The following DST variants were observed in gnomAD, a reference collection of about 807,000 sequenced individuals.
The protein encoded by DST is bullous pemphigoid antigen.
DST carries 253 observed loss-of-function variants against 875.2 expected under a neutral mutation model. That is an observed-to-expected ratio of 0.29 (90% CI 0.26 to 0.32). DST has a LOEUF of 0.32. Among genes scored for constraint, DST ranks in the 10% least tolerant of loss-of-function variants. DST has a pLI of 1.00. For missense variants in DST, 8,287 were observed against 9,111.6 expected, an observed-to-expected ratio of 0.91 and a Z score of 3.68; for synonymous variants, 3,124 against 3,197.1, an observed-to-expected ratio of 0.98 and a Z score of 0.77.
rs766284295 is a variant in DST, at chr6:56,606,999, C to T, written c.7629G>A (p.Gln2543=). 1 of 1,613,488 alleles carries T rather than the reference C, an allele frequency of 6.2e-7. No individual in the cohort carries two copies. Among genetic ancestry groups the T allele is most frequent in the Non-Finnish European group, 8.5e-7 (1 of 1,179,602 alleles). ...ACTCATCTTCCTTGTCTTCAGGCAT[C>T]TGCTGAAAACCTGGATGTGTTTTTT... ...EDEKTHPGFQ[Q]MPEDKEDESE... Residue 2543 remains glutamine (Q), a synonymous_variant, in exon 40 of 104, where the codon CAG becomes CAA. Coordinates refer to ENST00000680361, the MANE Select transcript of DST (RefSeq NM_001374736.1).
chr6:56,687,632 C>G (rs1369191311), intron 9 of DST, among the ~76,000 whole-genome samples: 7 of 152,104 alleles, frequency 4.6e-5, no homozygotes, highest in Admixed American at 4.6e-4. Context: ...ACACTACAGT[C>G]AAGCAAAAGC....
chr6:56,637,558 T>C (rs2098837943), intron 22 of DST, among the ~76,000 whole-genome samples: 2 of 152,270 alleles, frequency 1.3e-5, no homozygotes, highest in Admixed American at 1.3e-4. Context: ...AGAAAATGTG[T>C]GTACTCCCAA....
At chr6:56,671,615 G>A (rs1329886492) in intron 9 of DST, among the ~76,000 whole-genome samples, 1 of 152,072 alleles carries the variant, frequency 6.6e-6, no homozygotes, top group African/African-American at 2.4e-5. Flanking sequence ...TTTGATAAGG[G>A]TCCTACTTAA....
At chr6:56,521,208 A>G (rs1225804822) in intron 69 of DST, among the ~76,000 whole-genome samples, 1 of 152,098 alleles carries the variant, frequency 6.6e-6, no homozygotes, top group African/African-American at 2.4e-5. Context: ...GTAAAGCTAC[A>G]GGTAAAAATT....
At chr6:56,709,981 G>A (rs542210717) in intron 5 of DST, among the ~76,000 whole-genome samples, 6 of 152,284 alleles carry the variant, frequency 3.9e-5, no homozygotes, top group African/African-American at 7.2e-5. Flanking sequence ...AGGCTGGAAC[G>A]ATGCGCCGGT....
chr6:56,483,165 C>G (rs1290952954), intron 88 of DST, among the ~76,000 whole-genome samples: 1 of 152,166 alleles, frequency 6.6e-6, no homozygotes, highest in Admixed American at 6.5e-5. Context: ...TAAATAATGG[C>G]AGCCAGCCTT....
intron 10 of DST, among the ~76,000 whole-genome samples, chr6:56,653,541 C>T (rs750013446): frequency 6.6e-5 from 10 of 151,920 alleles, no homozygotes; most frequent in Non-Finnish European, 1.0e-4. Flanking sequence ...AAAAATTAGC[C>T]AGGCGTGATG....
chr6:56,851,965 C>G, intron 3 of DST: 3 of 1,480,780 alleles, frequency 2.0e-6, no homozygotes, highest in Non-Finnish European at 2.7e-6. Context: ...GTATTTGGCT[C>G]CCCCACCAGG....
intron 2 of DST, among the ~76,000 whole-genome samples, chr6:56,914,526 T>C (rs866974865): frequency 4.6e-5 from 7 of 152,164 alleles, no homozygotes; most frequent in South Asian, 4.1e-4. Context: ...CTTGGGGCCA[T>C]TGGCATATGC....
chr6:56,928,606 A>C (rs1183112454), intron 2 of DST, among the ~76,000 whole-genome samples: 1 of 152,226 alleles, frequency 6.6e-6, no homozygotes, highest in Admixed American at 6.5e-5. Flanking sequence ...AAGAGAAATA[A>C]ATAAAATGCA....
At chr6:56,538,221 C>T (rs1381398185) in intron 61 of DST, among the ~76,000 whole-genome samples, 1 of 152,130 alleles carries the variant, frequency 6.6e-6, no homozygotes, top group African/African-American at 2.4e-5. Context: ...AACTCCTGGG[C>T]TCAAGCAACC....
chr6:56,877,802 C>T (rs1336499600), intron 3 of DST, among the ~76,000 whole-genome samples: 1 of 152,128 alleles, frequency 6.6e-6, no homozygotes, highest in Non-Finnish European at 1.5e-5. Context: ...TGGACAAATA[C>T]CAGTCTGAGA....
Position 56,602,989 on chromosome 6 carries a change from T to G in DST, c.11200A>C (p.Lys3734Gln). ...VSHEEFLHKL[K>Q]SFSDWVSEKS... ...TCTGATACCCAATCTGAGAATGACT[T>G]AAGTTTATGCAGAAATTCTTCATGG... The change falls in exon 43 of 104, where the codon AAG becomes CAG. Residue 3734 changes from lysine to glutamine, a missense_variant. This residue lies in a region of DST where 3,138 missense variants were observed against 3,116.6 expected (regional missense o/e 1.01). Transcript: ENST00000680361. 6.3e-7 allele frequency: 1 copy of G among 1,591,760 alleles called. No homozygotes were observed. Among genetic ancestry groups the G allele is most frequent in the East Asian group, 2.2e-5 (1 of 44,666 alleles).
chr6:56,654,126 CA>C (rs1177565915), intron 10 of DST, among the ~76,000 whole-genome samples: 1 of 152,064 alleles, frequency 6.6e-6, no homozygotes, highest in East Asian at 1.9e-4. Flanking sequence ...GGAAACCTTT[CA>C]AAATCATATA....
chr6:56,803,227 T>G (rs1221754976), intron 4 of DST, among the ~76,000 whole-genome samples: 1 of 152,162 alleles, frequency 6.6e-6, no homozygotes, highest in Non-Finnish European at 1.5e-5. Context: ...GTACCTACCA[T>G]TAACTGTAGA....
At chr6:56,699,809 C>A in intron 8 of DST, 64 bp from the exon 9 acceptor site, 2 of 685,150 alleles carry the variant, frequency 2.9e-6, no homozygotes, top group Admixed American at 3.8e-5. Context: ...GTTATCTTTA[C>A]CTACATAAAA....
Position 56,606,844 on chromosome 6 carries a change from A to G in DST, c.7784T>C (p.Leu2595Pro). ...TCCTGTGTTATTCTGCTGATCATTC[A>G]GCAGTGACGTTTCATAGTCACTAGC... The part of the protein sequence containing the change: ...ISASDYETSL[L>P]NDQQNNTGTD... Residue 2595 changes from leucine (L) to proline (P), a missense_variant, in exon 40 of 104, where the codon CTG (leucine) becomes CCG (proline). Physicochemically the swap from Leu to Pro is moderately conservative, Grantham distance 98. Transcript: ENST00000680361. The G allele has an allele frequency of 6.2e-7, 1 of 1,613,272 alleles. No individual in the cohort carries two copies. The highest frequency in any genetic ancestry group is 8.5e-7 in the Non-Finnish European group (1 of 1,179,552).
intron 82 of DST, among the ~76,000 whole-genome samples, chr6:56,496,290 A>T (rs2095900331): frequency 6.6e-6 from 1 of 152,114 alleles, no homozygotes; most frequent in African/African-American, 2.4e-5. Context: ...CCACATTTCA[A>T]GTCTCATCAT....
At position 56,536,662 on chromosome 6, in the gene DST, T is replaced by C. The variant is rs1158148809; in HGVS notation, c.16770+117A>G. The C allele has an allele frequency of 2.9e-6, 3 of 1,037,454 alleles. No individual in the cohort carries two copies. In the African/African-American group the frequency reaches 4.8e-5, roughly 17 times the overall value. 64.3% of individuals were successfully genotyped at this position (1,037,454 alleles called of 1,614,324 possible). A position where few individuals can be genotyped will look rare whatever the true frequency, so the allele number is the denominator to read the frequency against. ...GTTTGAGCCATCCAGTTTACAGTAA[T>C]ATAAAACAGTAGACATATTTAGAAA... On this transcript the variant is annotated intron_variant, in intron 62 of 103. Transcript: ENST00000680361.
Sources: gnomAD v4.1 joint callset for allele counts (sites outside exome capture counted in the v4.1 genomes callset) on GRCh38, gnomAD v4.1.1 for gene constraint, gnomAD v4.1.1 regional missense constraint, MANE v1.5 for transcripts, NCBI Gene and HGNC (gene_info 2026-07-23, HGNC 2026-07-21) for gene names.